WDR62: variants seen among roughly 807,000 people sequenced by gnomAD.
The protein encoded by WDR62 is WD repeat domain 62, also known as WD repeat-containing protein 62.
In WDR62, 112 loss-of-function variants were observed where a neutral mutation model predicts 160.6. The ratio of observed to expected loss-of-function variants is 0.70; its 90% CI spans 0.60 to 0.82. The LOEUF is 0.82. Among genes scored for constraint, WDR62 ranks in the 40% least tolerant of loss-of-function variants. The pLI is 0.00. For missense variants in WDR62, 1,819 were observed against 1,983.8 expected, an observed-to-expected ratio of 0.92 and a Z score of 1.58; for synonymous variants, 792 against 815.1, an observed-to-expected ratio of 0.97 and a Z score of 0.48.
chr19:36,058,406 C>T (rs934334176), intron 1 of WDR62, among the ~76,000 whole-genome samples: 10 of 152,210 alleles, frequency 6.6e-5, no homozygotes, highest in Non-Finnish European at 1.5e-4. Flanking sequence ...CTTCTCACCG[C>T]GGCATTCGCC....
chr19:36,107,885 G>T (rs60894284), downstream of WDR62, among the ~76,000 whole-genome samples: 1,201 of 152,208 alleles, frequency 7.9e-3, 34 homozygotes, highest in East Asian at 0.06. Flanking sequence ...TGTGCATGTG[G>T]TTTGTGAGCT....
At chr19:36,074,035 A>G (rs923601822) in intron 9 of WDR62, 18 of 320,880 alleles carry the variant, frequency 5.6e-5, no homozygotes, top group Non-Finnish European at 9.9e-5. Flanking sequence ...ATGGTGGCTC[A>G]CACCTGTAAT....
At chr19:36,073,759 A>C in intron 9 of WDR62, 2 of 608,116 alleles carry the variant, frequency 3.3e-6, no homozygotes, top group Non-Finnish European at 6.2e-6. Flanking sequence ...CACGCCAAGC[A>C]GCAGTAACCC....
chr19:36,058,876 G>A lies in WDR62; in HGVS notation c.269+5G>A. The A allele has an allele frequency of 1.9e-6, 3 of 1,611,572 alleles. No homozygotes were observed. Among genetic ancestry groups the A allele is most frequent in the Non-Finnish European group, 2.5e-6 (3 of 1,177,706 alleles). On this transcript the variant is annotated splice_donor_5th_base_variant and intron_variant, in intron 2 of 31. Coordinates refer to ENST00000401500, the MANE Select transcript of WDR62 (RefSeq NM_001083961.2). ...CCATGTGGCCTACCTGGCAGGGTAA[G>A]CAGATAAGGGCCTCGACGTCTAATC... is the stretch of plus-strand genomic sequence containing the variant.
chr19:36,096,928 C>T, intron 20 of WDR62, 99 bp from the exon 21 acceptor site: 1 of 1,093,730 alleles, frequency 9.1e-7, no homozygotes, highest in Non-Finnish European at 1.4e-6. Context: ...CTTCTGACTT[C>T]TGGGTTGTGG....
chr19:36,064,975 G>GT (rs1208430555), intron 3 of WDR62, among the ~76,000 whole-genome samples: 2 of 152,182 alleles, frequency 1.3e-5, no homozygotes. Context: ...TGTCGTGTGC[G>GT]TATTTCAGGA....
At chr19:36,055,185 G>A (rs765653834) in intron 1 of WDR62, 37 bp downstream of exon 1, 2 of 1,580,638 alleles carry the variant, frequency 1.3e-6, no homozygotes, top group South Asian at 2.3e-5. Flanking sequence ...CCAGTTCCAG[G>A]CTTCCTAGGT....
intron 9 of WDR62, among the ~76,000 whole-genome samples, chr19:36,078,797 T>C (rs1435251069): frequency 4.7e-5 from 7 of 148,540 alleles, no homozygotes; most frequent in African/African-American, 1.5e-4. Context: ...GATCGTGCCA[T>C]TGCACTCCAG....
chr19:36,067,545 G>A lies in WDR62; in HGVS notation c.699+102G>A, dbSNP rs557639477. The A allele has an allele frequency of 3.3e-5, 51 of 1,554,094 alleles. No individual in the cohort carries two copies. In the South Asian group the frequency reaches 3.8e-4, roughly 12 times the overall value. On this transcript the variant is annotated intron_variant, in intron 6 of 31. Transcript: ENST00000401500. ...CCTGAGATTTGAGGGCAGCGGTCTC[G>A]GGCCATTTGGCCTCTCAGGGGCCCA...
chr19:36,075,990 G>A (rs1343793731), intron 9 of WDR62: 1 of 152,000 alleles, frequency 6.6e-6, no homozygotes, highest in Non-Finnish European at 1.5e-5. Flanking sequence ...ATCCTCTAAA[G>A]GTAACTAGTT....
chr19:36,090,148 C>T (rs1032195106), intron 15 of WDR62, among the ~76,000 whole-genome samples: 2 of 152,178 alleles, frequency 1.3e-5, no homozygotes, highest in Non-Finnish European at 2.9e-5. Flanking sequence ...CAGGGGGAGG[C>T]AGAGAGTGAG....
chr19:36,086,596 G>A lies in WDR62; in HGVS notation c.1643-91G>A, dbSNP rs73928388. On this transcript the variant is annotated intron_variant, in intron 12 of 31. Transcript: ENST00000401500. ...TTGAAGAACCAAAGACCCCTTCTCC[G>A]AGGACTGGGCAGCTTGGTCACACTG... 5.9e-4 allele frequency: 877 copies of A among 1,494,574 alleles called. 4 individuals carry two copies. In the African/African-American group the frequency reaches 0.01, roughly 18 times the overall value. 92.6% of individuals were successfully genotyped at this position (1,494,574 alleles called of 1,614,324 possible).
intron 2 of WDR62, 87 bp from the exon 3 acceptor site, chr19:36,059,881 A>G (rs1469390695): frequency 1.4e-6 from 2 of 1,435,608 alleles, no homozygotes; most frequent in Non-Finnish European, 2.0e-6. Context: ...GAGCTTGTTT[A>G]TTTGTGGGCT....
chr19:36,086,789 C>G lies in WDR62; in HGVS notation c.1745C>G (p.Ser582Cys). ...CAGACGCTGGATGACCACTCCTCCT[C>G]CATCACCGCCATCAAGTTCGCTGGT... is the stretch of plus-strand genomic sequence containing the variant. ...LEQTLDDHSS[S>C]ITAIKFAGNR... Residue 582 changes from serine (S) to cysteine (C), a missense_variant, in exon 13 of 32, where the codon TCC becomes TGC. Physicochemically the swap from Ser to Cys is moderately radical, Grantham distance 112 (BLOSUM62 -1). This residue lies in a region of WDR62 where 934 missense variants were observed against 1,157.2 expected (regional missense o/e 0.81). Coordinates refer to ENST00000401500, the MANE Select transcript of WDR62 (RefSeq NM_001083961.2). 1 of 1,609,672 alleles carries G rather than the reference C, an allele frequency of 6.2e-7. No individual in the cohort carries two copies. The highest frequency in any genetic ancestry group is 8.5e-7 in the Non-Finnish European group (1 of 1,177,716).
Position 36,089,314 on chromosome 19 carries a change from G to T in WDR62, c.1958+8G>T. The T allele has an allele frequency of 2.5e-6, 4 of 1,614,198 alleles. No individual in the cohort carries two copies. Among genetic ancestry groups the T allele is most frequent in the East Asian group, 2.2e-5 (1 of 44,884 alleles). On this transcript the variant is annotated splice_region_variant and intron_variant, in intron 15 of 31. Coordinates refer to ENST00000401500, the MANE Select transcript of WDR62 (RefSeq NM_001083961.2). ...CCAGGACCGCAATGTGAGGTAAGGGGTGGCCCTGGACCCTTAGCTGGCCTG... is the reference window on the plus strand; with the variant it reads ...CCAGGACCGCAATGTGAGGTAAGGGTTGGCCCTGGACCCTTAGCTGGCCTG...
downstream of WDR62, among the ~76,000 whole-genome samples, chr19:36,108,946 G>A (rs1973758181): frequency 6.6e-6 from 1 of 151,902 alleles, no homozygotes; most frequent in Non-Finnish European, 1.5e-5. Context: ...CTCCATGTGA[G>A]CTACATGGAT....
intron 1 of WDR62, among the ~76,000 whole-genome samples, chr19:36,056,811 T>C (rs1970397256): frequency 6.6e-6 from 1 of 151,420 alleles, no homozygotes; most frequent in Non-Finnish European, 1.5e-5. Context: ...CTTTTTCTTT[T>C]CTTTTTTTTT....
chr19:36,082,798 C>T (rs530148460), intron 10 of WDR62, among the ~76,000 whole-genome samples: 1 of 152,300 alleles, frequency 6.6e-6, no homozygotes, highest in African/African-American at 2.4e-5. Context: ...GGGGCTCCTG[C>T]TATCATATCT....
downstream of WDR62, among the ~76,000 whole-genome samples, chr19:36,109,024 A>G (rs534262332): frequency 7.2e-5 from 11 of 152,270 alleles, no homozygotes; most frequent in East Asian, 5.8e-4. Context: ...CCGAGGCCCA[A>G]TGAGAAATGA....
Sources: allele counts gnomAD v4.1 joint callset (sites outside exome capture counted in the v4.1 genomes callset), GRCh38; gene constraint gnomAD v4.1.1; regional missense constraint gnomAD v4.1.1; transcripts MANE v1.5; gene names NCBI Gene and HGNC (gene_info 2026-07-23, HGNC 2026-07-21).